Variants in SV2C observed in about 807,000 individuals in gnomAD.
SV2C encodes synaptic vesicle glycoprotein 2C, also known as solute carrier family 22 member B3.
In SV2C, 49 loss-of-function variants were observed where a neutral mutation model predicts 79.7. The ratio of observed to expected loss-of-function variants is 0.61; its 90% confidence interval spans 0.49 to 0.78. The LOEUF is 0.78. SV2C is among the 30% of genes least tolerant of loss of function. SV2C has a pLI of 0.00. For missense variants in SV2C, 833 were observed against 912.9 expected (o/e 0.91, Z 1.13); for synonymous variants, 334 against 333.2 (o/e 1.00, Z -0.03).
chr5:76,084,658 G>C (rs1297128589), intron 1 of SV2C, among the ~76,000 whole-genome samples: 1 of 150,290 alleles, frequency 6.7e-6, no homozygotes, highest in Non-Finnish European at 1.5e-5. Context: ...CCTTCTACGT[G>C]TGCGAGTGAT....
intron 4 of SV2C, among the ~76,000 whole-genome samples, chr5:76,225,399 C>T (rs1472325719): frequency 6.6e-6 from 1 of 152,114 alleles, no homozygotes; most frequent in Non-Finnish European, 1.5e-5. Flanking sequence ...ATGTATAAGA[C>T]AAAAGGGAGT....
the SV2C span, among the ~76,000 whole-genome samples, chr5:75,971,938 A>G: frequency 1.3e-5 from 2 of 152,130 alleles, no homozygotes. Context: ...CTACAAGGCT[A>G]CAGTAACCAA....
At chr5:75,938,166 T>C in the SV2C span, among the ~76,000 whole-genome samples, 1,936 of 152,308 alleles carry the variant, frequency 0.013, 14 homozygotes, top group African/African-American at 0.022. Flanking sequence ...TAGTACTTTC[T>C]GCAATTTCTC....
At chr5:76,092,048 A>T (rs1179661522) in intron 1 of SV2C, among the ~76,000 whole-genome samples, 2 of 152,180 alleles carry the variant, frequency 1.3e-5, no homozygotes, top group African/African-American at 4.8e-5. Context: ...AGTTAAAAAT[A>T]TAGCAATTTA....
chr5:76,096,361 T>A (rs1233782644), intron 1 of SV2C, among the ~76,000 whole-genome samples: 1 of 152,182 alleles, frequency 6.6e-6, no homozygotes, highest in Non-Finnish European at 1.5e-5. Flanking sequence ...TCATTTGATA[T>A]ATGAGACATT....
chr5:75,912,446 C>T, the SV2C span, among the ~76,000 whole-genome samples: 1 of 151,976 alleles, frequency 6.6e-6, no homozygotes, highest in East Asian at 1.9e-4. Flanking sequence ...TGGGGTGGAG[C>T]GTTGTACTCT....
chr5:76,250,327 A>G (rs1488892448), intron 4 of SV2C, among the ~76,000 whole-genome samples: 1 of 152,188 alleles, frequency 6.6e-6, no homozygotes, highest in East Asian at 1.9e-4. Context: ...AAAATACTTT[A>G]TATTTTTAAA....
intron 1 of SV2C, among the ~76,000 whole-genome samples, chr5:76,084,853 G>A (rs985812181): frequency 5.3e-5 from 8 of 151,998 alleles, no homozygotes; most frequent in African/African-American, 1.7e-4. Flanking sequence ...GCGGCGCGGG[G>A]CGGCGAGGAA....
At chr5:76,352,700 A>G (rs1749664664) in intron 12 of SV2C, among the ~76,000 whole-genome samples, 2 of 152,198 alleles carry the variant, frequency 1.3e-5, no homozygotes, top group Admixed American at 6.5e-5. Context: ...GACTAAGACA[A>G]AAGCTGGCTA....
chr5:76,086,425 C>G (rs7712198), intron 1 of SV2C, among the ~76,000 whole-genome samples: 15 of 152,076 alleles, frequency 9.9e-5, no homozygotes, highest in African/African-American at 3.6e-4. Context: ...CTCCAGATGA[C>G]GGTAGATTTC....
At chr5:76,348,943 G>C (rs542607566) in intron 12 of SV2C, among the ~76,000 whole-genome samples, 1 of 152,220 alleles carries the variant, frequency 6.6e-6, no homozygotes, top group East Asian at 1.9e-4. Flanking sequence ...AGTTTGCAGC[G>C]AGCCGAGACC....
intron 2 of SV2C, among the ~76,000 whole-genome samples, chr5:76,168,575 C>G (rs1221919075): frequency 1.3e-5 from 2 of 152,186 alleles, no homozygotes; most frequent in East Asian, 3.8e-4. Flanking sequence ...AGATGGTCGG[C>G]TCCGGGCCGC....
At chr5:75,936,980 T>G in the SV2C span, among the ~76,000 whole-genome samples, 1 of 152,202 alleles carries the variant, frequency 6.6e-6, no homozygotes, top group South Asian at 2.1e-4. Flanking sequence ...TAATAATCAA[T>G]GGGAAAATTG....
the SV2C span, among the ~76,000 whole-genome samples, chr5:75,880,183 A>C: frequency 1.6e-4 from 24 of 147,724 alleles, no homozygotes; most frequent in African/African-American, 4.1e-4. Flanking sequence ...AAATGCCTTC[A>C]ATGCCTTTTT....
At chr5:75,951,288 G>A in the SV2C span, among the ~76,000 whole-genome samples, 6 of 152,032 alleles carry the variant, frequency 3.9e-5, no homozygotes, top group African/African-American at 1.4e-4. Context: ...CCAATTGAGT[G>A]CAAACATGTC....
the SV2C span, chr5:75,910,465 G>A: frequency 1.7e-6 from 1 of 600,594 alleles, no homozygotes; most frequent in Non-Finnish European, 3.1e-6. Flanking sequence ...CACTAAGGAA[G>A]TTCTTGAGGT....
chr5:76,179,203 G>T (rs1183414209), intron 2 of SV2C, among the ~76,000 whole-genome samples: 1 of 152,172 alleles, frequency 6.6e-6, no homozygotes, highest in African/African-American at 2.4e-5. Flanking sequence ...TACATGATTT[G>T]GATGAAAGGC....
At chr5:75,947,610 G>A in the SV2C span, among the ~76,000 whole-genome samples, 4,150 of 152,044 alleles carry the variant, frequency 0.027, 167 homozygotes, top group African/African-American at 0.092. Flanking sequence ...AGGAAGTTGA[G>A]GGGTATCCTA....
chr5:75,924,517 T>G, the SV2C span, among the ~76,000 whole-genome samples: 4 of 152,188 alleles, frequency 2.6e-5, no homozygotes, highest in Admixed American at 6.5e-5. Flanking sequence ...CCAGATCACA[T>G]AGCTAATAAA....
Sources: gnomAD v4.1 joint callset for allele counts (sites outside exome capture counted in the v4.1 genomes callset) on GRCh38, gnomAD v4.1.1 for gene constraint, MANE v1.5 for transcripts, NCBI Gene and HGNC (gene_info 2026-07-23, HGNC 2026-07-21) for gene names.